Variants in IST1 observed in about 807,000 individuals in gnomAD.
IST1 encodes the protein IST1 factor associated with ESCRT-III.
Under a neutral mutation model 37.0 loss-of-function variants are expected in IST1, and 23 were observed. The ratio of observed to expected loss-of-function variants is 0.62; its 90% CI spans 0.45 to 0.88. The LOEUF is 0.88. IST1 is among the 40% of genes least tolerant of loss of function. The pLI is 0.00. For synonymous variants in IST1, 180 were observed against 161.7 expected, an observed-to-expected ratio of 1.11 and a Z score of -0.86; for missense variants, 488 against 445.4, an observed-to-expected ratio of 1.10 and a Z score of -0.86.
chr16:71,923,070 A>G (rs1390518608), intron 7 of IST1: 4 of 477,616 alleles, frequency 8.4e-6, no homozygotes, highest in Non-Finnish European at 1.5e-5. Flanking sequence ...TAAACACTGA[A>G]GCACTTGATT....
intron 9 of IST1, among the ~76,000 whole-genome samples, chr16:71,926,904 C>T (rs936488218): frequency 1.3e-5 from 2 of 152,000 alleles, no homozygotes; most frequent in African/African-American, 4.8e-5. Context: ...ACTATTATAA[C>T]AAAATAACTT....
chr16:71,915,545 C>G, intron 1 of IST1, 81 bp from the exon 2 acceptor site: 2 of 827,822 alleles, frequency 2.4e-6, no homozygotes, highest in East Asian at 5.4e-5. Context: ...GTTTTTGTTT[C>G]ACATAATTCA....
At position 71,930,410 on chromosome 16, in the gene IST1, C is replaced by A; in HGVS notation, c.*2597C>A. 2.8e-6 allele frequency: 1 copy of A among 360,566 alleles called. No homozygotes were observed. Among genetic ancestry groups the A allele is most frequent in the Non-Finnish European group, 4.9e-6 (1 of 204,148 alleles). The allele number at this position is 360,566 out of a possible 1,614,324, so 22.3% of individuals were successfully genotyped here. On this transcript the variant is annotated 3_prime_UTR_variant, in exon 10 of 10. Coordinates refer to ENST00000378799, the MANE Select transcript of IST1 (RefSeq NM_001270975.2). ...GATAATTGTGACTGCAGGGCTTTCA[C>A]AAGAAAACAGGTGAGTTGCAGTGGA...
In IST1 at chr16:71,924,822, G is replaced by T; in HGVS notation, c.901+5G>T. On this transcript the variant is annotated splice_donor_5th_base_variant and intron_variant, in intron 9 of 9. Transcript: ENST00000378799. ...TCTCTTCTGCACAGATTGTTGGTGA[G>T]TAGTATCAATCAGAAACCTGCAGAG... 6.3e-7 allele frequency: 1 copy of T among 1,596,472 alleles called. No individual in the cohort carries two copies. The highest frequency in any genetic ancestry group is 8.6e-7 in the Non-Finnish European group (1 of 1,163,934).
At chr16:71,917,898 A>C (rs1237193804) in intron 4 of IST1, among the ~76,000 whole-genome samples, 1 of 152,006 alleles carries the variant, frequency 6.6e-6, no homozygotes, top group Non-Finnish European at 1.5e-5. Context: ...TGTTTCTCTC[A>C]AGTTCATTTT....
At chr16:71,921,501 C>T in intron 6 of IST1, 48 bp downstream of exon 6, 2 of 1,081,832 alleles carry the variant, frequency 1.8e-6, no homozygotes. Flanking sequence ...TAGGTATGAC[C>T]TTCTTTGGAA....
upstream of IST1, chr16:71,894,766 G>A (rs1432392250): frequency 1.2e-5 from 14 of 1,155,450 alleles, no homozygotes; most frequent in African/African-American, 1.6e-5. Flanking sequence ...CAACTCCCGG[G>A]CTCAAGCGAT....
At chr16:71,904,187 G>C (rs1053052580) in intron 1 of IST1, among the ~76,000 whole-genome samples, 4 of 152,148 alleles carry the variant, frequency 2.6e-5, no homozygotes, top group African/African-American at 9.7e-5. Flanking sequence ...GCAGTGGTGT[G>C]ATCTCCGCTC....
chr16:71,895,548 C>A lies in IST1; in HGVS notation c.-57C>A. On this transcript the variant is annotated 5_prime_UTR_variant, in exon 1 of 10. In the 5' UTR this introduces an upstream ATG that the reference lacks. Coordinates refer to ENST00000378799, the MANE Select transcript of IST1 (RefSeq NM_001270975.2). The stretch of plus-strand genomic sequence containing the variant: ...GAGTCGCCATTTTGGATGGTGAACC[C>A]TGAAGTCGGTGTCTGCTGCGTTCAC... 1.0e-6 allele frequency: 1 copy of A among 985,702 alleles called. No homozygotes were observed. Among genetic ancestry groups the A allele is most frequent in the Non-Finnish European group, 1.2e-6 (1 of 830,084 alleles). 61.1% of individuals were successfully genotyped at this position (985,702 alleles called of 1,614,324 possible). A position where few individuals can be genotyped will look rare whatever the true frequency, so the allele number is the denominator to read the frequency against.
At chr16:71,926,353 T>G (rs919692063) in intron 9 of IST1, among the ~76,000 whole-genome samples, 52 of 151,700 alleles carry the variant, frequency 3.4e-4, no homozygotes, top group Admixed American at 1.5e-3. Flanking sequence ...ACTCATAGTT[T>G]TTTTTTTTTT....
rs2037633025 is a variant in IST1 at position 71,922,685 on chromosome 16, G to A, written c.759+5G>A. 1 of 1,538,596 alleles carries A rather than the reference G, an allele frequency of 6.5e-7. No homozygotes were observed. On this transcript the variant is annotated splice_donor_5th_base_variant and intron_variant, in intron 7 of 9. Transcript: ENST00000378799. ...TATCCACTGCCAAAGGGACCAGTAAGTATATATAAGTGTGGATGTAAGCTT... is the reference window on the plus strand; with the variant it reads ...TATCCACTGCCAAAGGGACCAGTAAATATATATAAGTGTGGATGTAAGCTT...
intron 1 of IST1, among the ~76,000 whole-genome samples, chr16:71,902,293 A>G (rs1161964328): frequency 6.6e-6 from 1 of 151,998 alleles, no homozygotes; most frequent in Non-Finnish European, 1.5e-5. Flanking sequence ...TTTTTGAGAC[A>G]AAGTCTGGCT....
rs544956358 is a variant in IST1, at chr16:71,915,246, T to C, written c.-15-380T>C. 1.6e-4 allele frequency among the ~76,000 whole-genome samples: 24 copies of C among 152,318 alleles called. No individual in the cohort carries two copies. In the South Asian group the frequency reaches 4.8e-3, roughly 30 times the overall value. On this transcript the variant is annotated intron_variant, in intron 1 of 9. Coordinates refer to ENST00000378799, the MANE Select transcript of IST1 (RefSeq NM_001270975.2). ...AGCAGGGAGCCCTTCTGCTTCTTTA[T>C]CTTTTTATCACACCACCCCCATGCC... is the stretch of plus-strand genomic sequence containing the variant.
intron 1 of IST1, among the ~76,000 whole-genome samples, chr16:71,901,948 A>C (rs981487279): frequency 3.9e-5 from 6 of 152,236 alleles, no homozygotes; most frequent in African/African-American, 1.4e-4. Flanking sequence ...AGGGAAAAAG[A>C]TATAAAGCAT....
At chr16:71,896,227 C>G (rs2036968378) in intron 1 of IST1, among the ~76,000 whole-genome samples, 7 of 152,082 alleles carry the variant, frequency 4.6e-5, no homozygotes, top group Admixed American at 4.6e-4. Flanking sequence ...CTTTGTTTTT[C>G]TCGGTGCTCT....
chr16:71,922,450 C>G, intron 6 of IST1, 24 bp from the exon 7 acceptor site: 1 of 1,603,286 alleles, frequency 6.2e-7, no homozygotes, highest in Non-Finnish European at 8.5e-7. Context: ...GGGTTAATGA[C>G]CTGGGTTTCT....
At chr16:71,923,684 A>C (rs1322722349) in intron 8 of IST1, among the ~76,000 whole-genome samples, 1 of 152,212 alleles carries the variant, frequency 6.6e-6, no homozygotes, top group Non-Finnish European at 1.5e-5. Context: ...CCGACTAGGC[A>C]GATAATCACA....
chr16:71,916,597 A>G lies in IST1; in HGVS notation c.224A>G (p.Tyr75Cys). Residue 75 changes from tyrosine to cysteine, a missense_variant, in exon 3 of 10, where the codon TAC (tyrosine) becomes TGC (cysteine). Around this residue, in one of 2 missense-constraint regions of IST1, gnomAD observed 455 missense variants for 386.2 expected, o/e 1.18. Coordinates refer to ENST00000378799, the MANE Select transcript of IST1 (RefSeq NM_001270975.2). The part of the protein sequence containing the change: ...LVEAMEILEL[Y>C]CDLLLARFGL... ...GAGGCCATGGAGATCCTGGAGCTGT[A>G]CTGTGACCTGCTGCTGGCTCGGTTT... 6.2e-7 allele frequency: 1 copy of G among 1,614,104 alleles called. No homozygotes were observed.
In IST1 at chr16:71,915,662, G is replaced by A. The variant is rs373489125; in HGVS notation, c.22G>A (p.Ala8Thr). Residue 8 changes from alanine (A) to threonine (T), a missense_variant, in exon 2 of 10, where the codon GCT (alanine) becomes ACT (threonine). Transcript: ENST00000378799. ...CAGCATGCTGGGCTCTGGATTTAAA[G>A]CTGAGCGCTTAAGAGTGAATTTGAG... MLGSGFKAERLRVNLRLV... is the reference protein window; with the variant it reads MLGSGFKTERLRVNLRLV... The A allele has an allele frequency of 2.9e-5, 46 of 1,612,858 alleles. 1 individual carries two copies. The highest frequency in any genetic ancestry group is 3.5e-5 in the Non-Finnish European group (41 of 1,179,842).
Sources: gnomAD v4.1 joint callset for allele counts (sites outside exome capture counted in the v4.1 genomes callset) on GRCh38, gnomAD v4.1.1 for gene constraint, gnomAD v4.1.1 regional missense constraint, MANE v1.5 for transcripts, NCBI Gene and HGNC (gene_info 2026-07-23, HGNC 2026-07-21) for gene names.